The following DNAH7 variants were observed in gnomAD, a reference collection of about 807,000 sequenced individuals.
DNAH7 encodes dynein axonemal heavy chain 7.
A neutral mutation model predicts 444.6 loss-of-function variants in DNAH7; 397 were observed. The observed-to-expected ratio is 0.89, with a 90% CI of 0.82 to 0.97. DNAH7 has a LOEUF of 0.97. Ranked by LOEUF, DNAH7 falls within the 50% of genes least tolerant of loss-of-function variation. The pLI is 0.00. For synonymous variants in DNAH7, 1,636 were observed against 1,624.4 expected (o/e 1.01, Z -0.17); for missense variants, 4,902 against 4,800.8 (o/e 1.02, Z -0.62).
chr2:196,063,617 TCTC>T (rs1350654808), intron 1 of DNAH7: 1 of 152,278 alleles, frequency 6.6e-6, no homozygotes, highest in Admixed American at 6.5e-5. Flanking sequence ...TGAGCAAGGT[TCTC>T]CTCTTTTTCC....
chr2:196,026,779 A>G lies in DNAH7; in HGVS notation c.648T>C (p.Leu216=). The G allele has an allele frequency of 6.2e-7, 1 of 1,610,628 alleles. No individual in the cohort carries two copies. Residue 216 remains leucine (L), a synonymous_variant, in exon 7 of 65, where the codon CTT becomes CTC. Coordinates refer to ENST00000312428, the MANE Select transcript of DNAH7 (RefSeq NM_018897.3). ...LSDEMREDYL[L]SVRKSIVDFV... ...ATTTACCTATGGATTTCCTTACACTAAGAAGATAATCCTCTCTCATTTCAT... is the reference window on the plus strand; with the variant it reads ...ATTTACCTATGGATTTCCTTACACTGAGAAGATAATCCTCTCTCATTTCAT...
rs1011240731 is a variant in DNAH7, at chr2:195,811,515, T to C, written c.9762-1644A>G. 7.9e-5 allele frequency among the ~76,000 whole-genome samples: 12 copies of C among 152,226 alleles called. 1 individual carries two copies. Among genetic ancestry groups the C allele is most frequent in the Admixed American group, 2.6e-4 (4 of 15,288 alleles). On this transcript the variant is annotated intron_variant, in intron 51 of 64. Coordinates refer to ENST00000312428, the MANE Select transcript of DNAH7 (RefSeq NM_018897.3). ...ACAAGTGCATGTCATCACGCCAGGCTAATTTTTGCATTTTTTGTAGAGACA... is the reference window on the plus strand; with the variant it reads ...ACAAGTGCATGTCATCACGCCAGGCCAATTTTTGCATTTTTTGTAGAGACA...
intron 15 of DNAH7, among the ~76,000 whole-genome samples, chr2:195,980,061 C>CAAAAAAAAAAAAAAA (rs59664135): frequency 2.7e-5 from 2 of 75,062 alleles, no homozygotes; most frequent in Non-Finnish European, 5.4e-5. Flanking sequence ...CAAACTAATA[C>CAAAAAAAAAAAAAAA]AAAAAAAAAA....
intron 51 of DNAH7, among the ~76,000 whole-genome samples, chr2:195,815,379 G>A (rs1034731859): frequency 6.6e-5 from 10 of 151,930 alleles, no homozygotes; most frequent in East Asian, 3.9e-4. Context: ...TCAAAGTGTC[G>A]GACTCACACC....
intron 15 of DNAH7, among the ~76,000 whole-genome samples, chr2:195,981,637 T>G (rs191905473): frequency 2.0e-5 from 3 of 152,032 alleles, no homozygotes; most frequent in Non-Finnish European, 4.4e-5. Context: ...TGGAACAGAA[T>G]GGAGAACACA....
Position 195,886,180 on chromosome 2 carries a change from T to G in DNAH7, c.5499A>C (p.Leu1833=). 1 of 1,613,856 alleles carries G rather than the reference T, an allele frequency of 6.2e-7. No individual in the cohort carries two copies. Among genetic ancestry groups the G allele is most frequent in the South Asian group, 1.1e-5 (1 of 90,988 alleles). ...FMDDFADEVK[L]KERNDRETYS... ...AAGTTTCTCGATCATTTCTCTCCTT[T>G]AGTTTGACTTCATCAGCAAAATCAT... Residue 1833 remains leucine, a synonymous_variant, in exon 34 of 65, where the codon CTA becomes CTC. Coordinates refer to ENST00000312428, the MANE Select transcript of DNAH7 (RefSeq NM_018897.3).
intron 12 of DNAH7, among the ~76,000 whole-genome samples, chr2:195,989,534 T>C (rs1211509640): frequency 6.6e-6 from 1 of 152,232 alleles, no homozygotes; most frequent in Non-Finnish European, 1.5e-5. Context: ...AATAGGATTA[T>C]TTCTGGTTTT....
chr2:195,872,067 A>C (rs941184567), intron 40 of DNAH7, among the ~76,000 whole-genome samples, 183 bp downstream of exon 40: 10 of 151,672 alleles, frequency 6.6e-5, no homozygotes, highest in Non-Finnish European at 1.5e-4. Context: ...AAAGCATTTT[A>C]AACATCATAA....
chr2:195,872,538 A>AT, intron 39 of DNAH7, 69 bp from the exon 40 acceptor site: 1 of 1,008,770 alleles, frequency 9.9e-7, no homozygotes, highest in East Asian at 2.7e-5. Context: ...CAAAAAGGAT[A>AT]TTTAGCAGGA....
At chr2:195,860,950 T>C (rs1361583889) in intron 42 of DNAH7, among the ~76,000 whole-genome samples, 1 of 152,096 alleles carries the variant, frequency 6.6e-6, no homozygotes, top group African/African-American at 2.4e-5. Context: ...GCTTACCATA[T>C]GTATACGTTT....
intron 54 of DNAH7, among the ~76,000 whole-genome samples, chr2:195,800,431 A>ACC (rs1696388909): frequency 6.6e-6 from 1 of 152,252 alleles, no homozygotes; most frequent in South Asian, 2.1e-4. Context: ...GTTATTTGGT[A>ACC]TTTCAATACT....
At chr2:196,046,205 C>T (rs1226532662) in intron 5 of DNAH7, among the ~76,000 whole-genome samples, 1 of 152,280 alleles carries the variant, frequency 6.6e-6, no homozygotes, top group African/African-American at 2.4e-5. Flanking sequence ...GCATGGCCAT[C>T]CTAAGGCTAC....
At chr2:195,979,895 C>G (rs536153511) in intron 15 of DNAH7, among the ~76,000 whole-genome samples, 1 of 151,940 alleles carries the variant, frequency 6.6e-6, no homozygotes, top group Admixed American at 6.6e-5. Flanking sequence ...CACATACAAA[C>G]TATCAAGACT....
intron 5 of DNAH7, among the ~76,000 whole-genome samples, chr2:196,045,975 T>C (rs930950045): frequency 6.6e-6 from 1 of 152,012 alleles, no homozygotes; most frequent in African/African-American, 2.4e-5. Context: ...TGAATTTCAG[T>C]AAGTCCATCT....
Position 195,864,398 on chromosome 2 carries a change from C to T in DNAH7, c.7257G>A (p.Gly2419=). The T allele has an allele frequency of 1.2e-6, 2 of 1,614,102 alleles. No individual in the cohort carries two copies. Among genetic ancestry groups the T allele is most frequent in the Non-Finnish European group, 1.7e-6 (2 of 1,180,026 alleles). ...LEDVSNLLNA[G]EIPNLFALDE... is the part of the protein sequence containing the mutation. ...CTAATGCAAAGAGATTTGGAATCTC[C>T]CCAGCATTTAGCAGATTACTGACAT... Residue 2419 remains glycine (G), a synonymous_variant, in exon 41 of 65, where the codon GGG becomes GGA. Coordinates refer to ENST00000312428, the MANE Select transcript of DNAH7 (RefSeq NM_018897.3).
intron 1 of DNAH7, among the ~76,000 whole-genome samples, chr2:196,058,535 T>C (rs1697952151): frequency 6.6e-6 from 1 of 152,230 alleles, no homozygotes; most frequent in African/African-American, 2.4e-5. Flanking sequence ...TAAAAATCAA[T>C]TGTATTTAAT....
At chr2:196,067,335 A>C (rs934546374) in intron 1 of DNAH7, among the ~76,000 whole-genome samples, 1 of 152,228 alleles carries the variant, frequency 6.6e-6, no homozygotes, top group African/African-American at 2.4e-5. Context: ...GAAGCTGCTC[A>C]ATATATAATA....
chr2:195,919,127 G>A (rs1280746930), intron 24 of DNAH7, among the ~76,000 whole-genome samples: 1 of 151,540 alleles, frequency 6.6e-6, no homozygotes, highest in Non-Finnish European at 1.5e-5. Context: ...GTGCACGCCT[G>A]TAATCCCAGC....
chr2:195,894,916 T>C, intron 30 of DNAH7, 60 bp downstream of exon 30: 4 of 1,395,956 alleles, frequency 2.9e-6, no homozygotes, highest in Non-Finnish European at 3.8e-6. Context: ...AAAATAATGG[T>C]ACATTCTACC....
Sources: gnomAD v4.1 joint callset for allele counts (sites outside exome capture counted in the v4.1 genomes callset) on GRCh38, gnomAD v4.1.1 for gene constraint, MANE v1.5 for transcripts, NCBI Gene and HGNC (gene_info 2026-07-23, HGNC 2026-07-21) for gene names.